UGT2A1: variants seen among roughly 807,000 people sequenced by gnomAD.
UGT2A1 encodes UDP glucuronosyltransferase family 2 member A1 complex locus.
A neutral mutation model predicts 45.4 loss-of-function variants in UGT2A1; 61 were observed. The observed-to-expected ratio is 1.34, with a 90% confidence interval of 1.09 to 1.66. UGT2A1 has a LOEUF of 1.66. Ranked by LOEUF, UGT2A1 falls within the 40% of genes most tolerant of loss-of-function variation. The pLI is 0.00. For missense variants in UGT2A1, 649 were observed against 574.3 expected, an observed-to-expected ratio of 1.13 and a Z score of -1.33; for synonymous variants, 229 against 196.2, an observed-to-expected ratio of 1.17 and a Z score of -1.40.
chr4:69,594,136 G>A lies in UGT2A1; in HGVS notation c.1304+341C>T, dbSNP rs188341595. ...ACTACAGGCGCCCACTATCATACCC[G>A]GCTAAATTTTTGTATTTTTAGTAGA... On this transcript the variant is annotated intron_variant, in intron 6 of 6. Coordinates refer to ENST00000286604, the MANE Select transcript of UGT2A1 (RefSeq NM_001252275.3). 1.9e-3 allele frequency among the ~76,000 whole-genome samples: 294 copies of A among 151,700 alleles called. 1 individual carries two copies. Among genetic ancestry groups the A allele is most frequent in the African/African-American group, 6.7e-3 (276 of 41,356 alleles).
intron 3 of UGT2A1, among the ~76,000 whole-genome samples, chr4:69,619,266 T>C (rs1285174993): frequency 6.6e-6 from 1 of 151,652 alleles, no homozygotes; most frequent in Non-Finnish European, 1.5e-5. Context: ...CCAAGTGTGG[T>C]GGTGCATGCG....
rs763975351 is a variant in UGT2A1, at chr4:69,588,435, T to G, written c.*937A>C. 4.0e-5 allele frequency: 6 copies of G among 151,768 alleles called. No homozygotes were observed. The highest frequency in any genetic ancestry group is 8.8e-5 in the Non-Finnish European group (6 of 67,974). The allele number at this position is 151,768 out of a possible 1,614,324, so 9.4% of individuals were successfully genotyped here. On this transcript the variant is annotated 3_prime_UTR_variant, in exon 7 of 7. Coordinates refer to ENST00000286604, the MANE Select transcript of UGT2A1 (RefSeq NM_001252275.3). ...AATGATATCAAATTCCAAGTAAGCA[T>G]TTTTTATTTTTTGGCATAAAATTAA...
chr4:69,633,987 T>C (rs908239058), intron 3 of UGT2A1, among the ~76,000 whole-genome samples: 1 of 152,142 alleles, frequency 6.6e-6, no homozygotes, highest in Non-Finnish European at 1.5e-5. Flanking sequence ...GGCTCACGCC[T>C]GTAATCTCAG....
chr4:69,598,305 G>C lies in UGT2A1; in HGVS notation c.996+941C>G, dbSNP rs563019170. On this transcript the variant is annotated intron_variant, in intron 4 of 6. Coordinates refer to ENST00000286604, the MANE Select transcript of UGT2A1 (RefSeq NM_001252275.3). ...TTCTAAAAAGATTACATTTGCTTGT[G>C]TATAAACCAAGTAAATAATAGCCTG... 9.2e-5 allele frequency among the ~76,000 whole-genome samples: 14 copies of C among 152,090 alleles called. 1 individual carries two copies. The highest frequency in any genetic ancestry group is 7.9e-4 in the Admixed American group (12 of 15,264).
intron 2 of UGT2A1, among the ~76,000 whole-genome samples, chr4:69,638,497 A>G (rs749052486): frequency 1.8e-4 from 27 of 152,146 alleles, no homozygotes; most frequent in Non-Finnish European, 2.5e-4. Flanking sequence ...ATGCTTTTCA[A>G]AGCTTTCTGC....
rs1017633360 is a variant in UGT2A1 at position 69,589,299 on chromosome 4, T to C, written c.*73A>G. 21 of 1,426,200 alleles carry C rather than the reference T, an allele frequency of 1.5e-5. No homozygotes were observed. Among genetic ancestry groups the C allele is most frequent in the Non-Finnish European group, 1.8e-5 (20 of 1,084,136 alleles). The allele number at this position is 1,426,200 out of a possible 1,614,324, so 88.3% of individuals were successfully genotyped here. ...GTGTTTTTGTTAAACTCCTTTTGTC[T>C]GGAATTAATAGGACTACACTACTCA... is the stretch of plus-strand genomic sequence containing the variant. On this transcript the variant is annotated 3_prime_UTR_variant, in exon 7 of 7. Coordinates refer to ENST00000286604, the MANE Select transcript of UGT2A1 (RefSeq NM_001252275.3).
intron 3 of UGT2A1, among the ~76,000 whole-genome samples, chr4:69,600,354 G>A (rs1482843628): frequency 1.3e-5 from 2 of 152,196 alleles, no homozygotes; most frequent in African/African-American, 4.8e-5. Context: ...TATATCACAA[G>A]GGACCTTGCG....
chr4:69,598,133 A>T (rs1719049263), intron 4 of UGT2A1, among the ~76,000 whole-genome samples: 1 of 152,186 alleles, frequency 6.6e-6, no homozygotes, highest in South Asian at 2.1e-4. Context: ...CCTATAATAA[A>T]CATTCACTAG....
chr4:69,649,007 G>T (rs1395394017), intron 1 of UGT2A1, among the ~76,000 whole-genome samples: 1 of 151,940 alleles, frequency 6.6e-6, no homozygotes, highest in Admixed American at 6.6e-5. Context: ...ATTGTGTAAC[G>T]CACATTGGAT....
intron 2 of UGT2A1, among the ~76,000 whole-genome samples, chr4:69,640,779 G>T (rs926239012): frequency 1.3e-5 from 2 of 151,734 alleles, no homozygotes; most frequent in African/African-American, 4.8e-5. Context: ...TAGAATTTTT[G>T]CATTTGTGTC....
chr4:69,598,791 T>A (rs1487666310), intron 4 of UGT2A1, among the ~76,000 whole-genome samples: 1 of 152,140 alleles, frequency 6.6e-6, no homozygotes, highest in Non-Finnish European at 1.5e-5. Flanking sequence ...CTAAGAGCCC[T>A]GCCTTATTTC....
chr4:69,599,675 G>A (rs1719147523), intron 3 of UGT2A1: 2 of 295,814 alleles, frequency 6.8e-6, no homozygotes, highest in South Asian at 8.1e-5. Context: ...AAAAAGGGAA[G>A]AAAGAGGTAG....
chr4:69,589,717 T>G, intron 6 of UGT2A1, 66 bp from the exon 7 acceptor site: 7 of 1,544,746 alleles, frequency 4.5e-6, no homozygotes, highest in Non-Finnish European at 6.1e-6. Flanking sequence ...AAGATAAATA[T>G]GTGATACACT....
At chr4:69,634,849 T>A (rs1229275181) in intron 3 of UGT2A1, among the ~76,000 whole-genome samples, 1 of 152,198 alleles carries the variant, frequency 6.6e-6, no homozygotes, top group Non-Finnish European at 1.5e-5. Context: ...CACTGACATC[T>A]AGAATGAGAC....
chr4:69,621,178 C>T (rs926310801), intron 3 of UGT2A1, among the ~76,000 whole-genome samples: 7 of 151,944 alleles, frequency 4.6e-5, no homozygotes, highest in African/African-American at 1.7e-4. Context: ...AGAGCTTCTG[C>T]ACAGCAAAAT....
At chr4:69,611,300 TAATGCTATTAATTTCTGCCAAA>T (rs1720033901) in intron 3 of UGT2A1, among the ~76,000 whole-genome samples, 5 of 148,960 alleles carry the variant, frequency 3.4e-5, no homozygotes, top group Non-Finnish European at 3.0e-5. Flanking sequence ...CAGCTATTCT[TAATGCTATTAATTTCTGCCAAA>T]TTTTTAAAAA....
At chr4:69,629,634 C>A (rs1010180867) in intron 3 of UGT2A1, among the ~76,000 whole-genome samples, 4 of 152,148 alleles carry the variant, frequency 2.6e-5, no homozygotes, top group Middle Eastern at 3.4e-3. Context: ...GTTGATAAAA[C>A]TGCATCCCGT....
At position 69,604,231 on chromosome 4, in the gene UGT2A1, C is replaced by G. The variant is rs954190383; in HGVS notation, c.848-4837G>C. Reference sequence around the variant, plus strand: ...AACAGCTGATCTCTTGGCAGAAACTCTACAAGCCAGAAGACAGTGGGGACC... The same window carrying G: ...AACAGCTGATCTCTTGGCAGAAACTGTACAAGCCAGAAGACAGTGGGGACC... On this transcript the variant is annotated intron_variant, in intron 3 of 6. Transcript: ENST00000286604. 5.8e-5 allele frequency among the ~76,000 whole-genome samples: 8 copies of G among 136,980 alleles called. 2 individuals carry two copies. Among genetic ancestry groups the G allele is most frequent in the Non-Finnish European group, 9.3e-5 (6 of 64,380 alleles). 89.9% of individuals were successfully genotyped at this position (136,980 alleles called of 152,430 possible). A position where few individuals can be genotyped will look rare whatever the true frequency, so the allele number is the denominator to read the frequency against.
chr4:69,627,794 T>C (rs977607268), intron 3 of UGT2A1, among the ~76,000 whole-genome samples: 2 of 151,824 alleles, frequency 1.3e-5, no homozygotes, highest in Admixed American at 1.3e-4. Flanking sequence ...TAATATCACA[T>C]TGAAATTAAC....
Sources: gnomAD v4.1 joint callset for allele counts (sites outside exome capture counted in the v4.1 genomes callset) on GRCh38, gnomAD v4.1.1 for gene constraint, MANE v1.5 for transcripts, NCBI Gene and HGNC (gene_info 2026-07-23, HGNC 2026-07-21) for gene names.